Variants in SOS2 observed in about 807,000 individuals in gnomAD.
The protein encoded by SOS2 is son of sevenless homolog 2.
In SOS2, 65 loss-of-function variants were observed where a neutral mutation model predicts 148.2. That is an observed-to-expected ratio of 0.44 (90% CI 0.36 to 0.54). The LOEUF (loss-of-function observed/expected upper bound fraction) is 0.54. SOS2 is among the 20% of genes least tolerant of loss of function. SOS2 has a pLI of 0.00. For synonymous variants in SOS2, 539 were observed against 537.1 expected (o/e 1.00, Z -0.05); for missense variants, 1,341 against 1,590.2 (o/e 0.84, Z 2.67).
intron 11 of SOS2, among the ~76,000 whole-genome samples, chr14:50,158,248 G>A (rs1415087962): frequency 6.6e-6 from 1 of 151,770 alleles, no homozygotes; most frequent in Non-Finnish European, 1.5e-5. Flanking sequence ...AAAAAATAGT[G>A]GTAAGTAGAA....
chr14:50,193,206 CTTTT>C (rs1595011752), intron 4 of SOS2, among the ~76,000 whole-genome samples: 1 of 151,802 alleles, frequency 6.6e-6, no homozygotes, highest in East Asian at 1.9e-4. Context: ...TTCTTTGTTT[CTTTT>C]TTTAAATTTT....
At chr14:50,161,328 G>C (rs1885003051) in intron 9 of SOS2, among the ~76,000 whole-genome samples, 154 bp downstream of exon 9, 1 of 150,598 alleles carries the variant, frequency 6.6e-6, no homozygotes, top group South Asian at 2.1e-4. Flanking sequence ...AAGGAAAAAA[G>C]AGAGTAAAAG....
Position 50,174,593 on chromosome 14 carries a change from A to T in SOS2, c.970-41T>A, listed in dbSNP as rs1594993551. 9.0e-6 allele frequency: 11 copies of T among 1,219,760 alleles called. No homozygotes were observed. The East Asian group carries it at 2.6e-4, about 29-fold the overall frequency. 75.6% of individuals were successfully genotyped at this position (1,219,760 alleles called of 1,614,324 possible). A position where few individuals can be genotyped will look rare whatever the true frequency, so the allele number is the denominator to read the frequency against. ...ATATCACAGTATGTATGTCTCTGACATCAAGGATATGCAACAGCAGTGCCT... is the reference window on the plus strand; with the variant it reads ...ATATCACAGTATGTATGTCTCTGACTTCAAGGATATGCAACAGCAGTGCCT... On this transcript the variant is annotated intron_variant, in intron 7 of 22. Transcript: ENST00000216373.
chr14:50,204,395 C>T lies in SOS2; in HGVS notation c.102G>A (p.Val34=). ...VSALRKVQEQ[V]HPTLSANEES... ...CTTCATTAGCTGAGAGAGTGGGATG[C>T]ACTTGTTCCTGAACCTTTAAAAAAA... The change falls in exon 2 of 23, where the codon GTG becomes GTA. Residue 34 remains valine (V), a synonymous_variant. Coordinates refer to ENST00000216373, the MANE Select transcript of SOS2 (RefSeq NM_006939.4). The T allele has an allele frequency of 6.4e-7, 1 of 1,572,836 alleles. No homozygotes were observed. The highest frequency in any genetic ancestry group is 1.2e-5 in the South Asian group (1 of 86,348).
Position 50,218,699 on chromosome 14 carries a change from A to G in SOS2, c.87+12498T>C, listed in dbSNP as rs193261457. ...AACTAAAACCACAAAGTACCATTAC[A>G]CTGCTATTAGAATGGCTAAAATTAA... is the stretch of plus-strand genomic sequence containing the variant. On this transcript the variant is annotated intron_variant, in intron 1 of 22. Transcript: ENST00000216373. Among the ~76,000 whole-genome samples, 781 of 152,334 alleles carry G rather than the reference A, an allele frequency of 5.1e-3. 9 individuals are homozygous for G. The highest frequency in any genetic ancestry group is 4.9e-3 in the Non-Finnish European group (332 of 68,024).
chr14:50,151,822 A>G (rs973205485), intron 13 of SOS2, among the ~76,000 whole-genome samples: 2 of 152,090 alleles, frequency 1.3e-5, no homozygotes, highest in Non-Finnish European at 2.9e-5. Flanking sequence ...TCTGGGCTTA[A>G]AAGTGATCGC....
At chr14:50,189,331 CAAA>C (rs761860061) in intron 4 of SOS2, among the ~76,000 whole-genome samples, 1 of 31,486 alleles carries the variant, frequency 3.2e-5, no homozygotes, top group Non-Finnish European at 6.6e-5. Flanking sequence ...CACATAATAG[CAAA>C]AAAAAAAAAA....
At position 50,118,399 on chromosome 14, in the gene SOS2, G is replaced by A. The variant is rs865922330; in HGVS notation, c.3944C>T (p.Ser1315Leu). The A allele has an allele frequency of 1.7e-5, 27 of 1,614,002 alleles. No individual in the cohort carries two copies. Among genetic ancestry groups the A allele is most frequent in the East Asian group, 2.2e-5 (1 of 44,902 alleles). Residue 1315 changes from serine to leucine, a missense_variant, in exon 23 of 23, where the codon TCG becomes TTG. Physicochemically the swap from Ser to Leu is moderately radical, Grantham distance 145 (BLOSUM62 -2). This residue lies in a region of SOS2 where 354 missense variants were observed against 347.7 expected (regional missense o/e 1.02). Coordinates refer to ENST00000216373, the MANE Select transcript of SOS2 (RefSeq NM_006939.4). Reference sequence around the variant, plus strand: ...AGGCAGTCTGTACAATGGGGGGTGCGAAAGCTCCCGTTTGTAAGTCTTTGG... The same window carrying A: ...AGGCAGTCTGTACAATGGGGGGTGCAAAAGCTCCCGTTTGTAAGTCTTTGG... The part of the protein sequence containing the change: ...LPPKTYKREL[S>L]HPPLYRLPLL...
chr14:50,182,496 G>C lies in SOS2; in HGVS notation c.825C>G (p.Pro275=), dbSNP rs1885776291. ...VEMTDESSPH[P]LAGSCFEDLA... is the part of the protein sequence containing the mutation. The stretch of plus-strand genomic sequence containing the variant: ...AATCTTCAAAACAGCTGCCAGCTAA[G>C]GGATGAGGACTGCTTTCATCAGTCA... Residue 275 remains proline, a synonymous_variant, in exon 6 of 23, where the codon CCC becomes CCG. Transcript: ENST00000216373. 3 of 1,613,938 alleles carry C rather than the reference G, an allele frequency of 1.9e-6. No individual in the cohort carries two copies. Among genetic ancestry groups the C allele is most frequent in the Non-Finnish European group, 2.5e-6 (3 of 1,179,892 alleles).
At chr14:50,178,671 CATATATAT>C (rs1170021476) in intron 7 of SOS2, among the ~76,000 whole-genome samples, 30 of 14,454 alleles carry the variant, frequency 2.1e-3, no homozygotes, top group Admixed American at 3.9e-3. Context: ...TGTGTGTGTG[CATATATAT>C]ATATATATAT....
Position 50,138,721 on chromosome 14 carries a change from C to T in SOS2, c.2849G>A (p.Gly950Glu), listed in dbSNP as rs765330931. ...EGNNDFLKKK[G>E]KDLINFSKRR... is the part of the protein sequence containing the mutation. ...CTTACTGAAATTGATTAAATCTTTC[C>T]CTTTCTTTTTTAAAAAATCATTATT... Residue 950 changes from glycine to glutamate, a missense_variant, in exon 18 of 23, where the codon GGG (glycine) becomes GAG (glutamate). Physicochemically the swap from Gly to Glu is moderately conservative, Grantham distance 98. Around this residue, in one of 4 missense-constraint regions of SOS2, gnomAD observed 408 missense variants for 506.6 expected, o/e 0.81. Coordinates refer to ENST00000216373, the MANE Select transcript of SOS2 (RefSeq NM_006939.4). 14 of 1,344,268 alleles carry T rather than the reference C, an allele frequency of 1.0e-5. No individual in the cohort carries two copies. Among genetic ancestry groups the T allele is most frequent in the South Asian group, 2.5e-5 (2 of 78,772 alleles). 83.3% of individuals were successfully genotyped at this position (1,344,268 alleles called of 1,614,324 possible). A position where few individuals can be genotyped will look rare whatever the true frequency, so the allele number is the denominator to read the frequency against.
Position 50,117,293 on chromosome 14 carries a change from C to T in SOS2, c.*1051G>A, listed in dbSNP as rs1883312221. The T allele has an allele frequency of 6.6e-6, 1 of 152,114 alleles. No homozygotes were observed. The highest frequency in any genetic ancestry group is 6.5e-5 in the Admixed American group (1 of 15,274). The allele number at this position is 152,114 out of a possible 1,614,324, so 9.4% of individuals were successfully genotyped here. A position where few individuals can be genotyped will look rare whatever the true frequency, so the allele number is the denominator to read the frequency against. On this transcript the variant is annotated 3_prime_UTR_variant, in exon 23 of 23. Transcript: ENST00000216373. ...AACACTCTATCACTTTGAACGAAGGCATCCAAATGGCAAATAAAAGCTTTA... is the reference window on the plus strand; with the variant it reads ...AACACTCTATCACTTTGAACGAAGGTATCCAAATGGCAAATAAAAGCTTTA...
At chr14:50,168,004 T>C (rs1481922600) in intron 8 of SOS2, among the ~76,000 whole-genome samples, 1 of 152,234 alleles carries the variant, frequency 6.6e-6, no homozygotes, top group Non-Finnish European at 1.5e-5. Flanking sequence ...GAAATACTGG[T>C]TGATCTTCCT....
At chr14:50,152,666 A>G (rs1348254699) in intron 13 of SOS2, among the ~76,000 whole-genome samples, 1 of 152,178 alleles carries the variant, frequency 6.6e-6, no homozygotes, top group African/African-American at 2.4e-5. Flanking sequence ...TAAAAATGAA[A>G]AATGCTGGCC....
chr14:50,198,000 T>TA (rs566390784), intron 4 of SOS2, among the ~76,000 whole-genome samples: 1 of 53,622 alleles, frequency 1.9e-5, no homozygotes, highest in Non-Finnish European at 3.7e-5. Flanking sequence ...CTTTGCCATC[T>TA]TTTTTTTTTT....
chr14:50,136,058 C>T (rs974325571), intron 18 of SOS2, among the ~76,000 whole-genome samples: 2 of 152,066 alleles, frequency 1.3e-5, no homozygotes, highest in African/African-American at 4.8e-5. Flanking sequence ...TAAAATTCTT[C>T]CCATTTTTAA....
At chr14:50,185,864 C>T (rs181858009) in intron 5 of SOS2, among the ~76,000 whole-genome samples, 1 of 152,124 alleles carries the variant, frequency 6.6e-6, no homozygotes, top group East Asian at 1.9e-4. Context: ...ACCTAATATC[C>T]TTATTAGATA....
At position 50,118,368 on chromosome 14, in the gene SOS2, T is replaced by G. The variant is rs764819181; in HGVS notation, c.3975A>C (p.Leu1325=). 6.2e-7 allele frequency: 1 copy of G among 1,613,926 alleles called. No individual in the cohort carries two copies. Among genetic ancestry groups the G allele is most frequent in the Non-Finnish European group, 8.5e-7 (1 of 1,179,848 alleles). The change falls in exon 23 of 23, where the codon CTA becomes CTC. Residue 1325 remains leucine (L), a synonymous_variant. Transcript: ENST00000216373. ...SHPPLYRLPL[L]ENAETPQ ...GTCATTGGGGAGTTTCTGCATTTTC[T>G]AGCAAAGGCAGTCTGTACAATGGGG...
intron 7 of SOS2, among the ~76,000 whole-genome samples, chr14:50,178,745 T>TA (rs773374441): frequency 5.2e-4 from 70 of 134,490 alleles, no homozygotes; most frequent in African/African-American, 9.7e-4. Context: ...TATATATATA[T>TA]TTTTTGGAGA....
Sources: gnomAD v4.1 joint callset for allele counts (sites outside exome capture counted in the v4.1 genomes callset) on GRCh38, gnomAD v4.1.1 for gene constraint, gnomAD v4.1.1 regional missense constraint, MANE v1.5 for transcripts, NCBI Gene and HGNC (gene_info 2026-07-23, HGNC 2026-07-21) for gene names.